Variants in COPG2 observed in about 807,000 individuals in gnomAD.
COPG2 encodes coat protein complex I subunit gamma 2.
In COPG2, 37 loss-of-function variants were observed where a neutral mutation model predicts 46.3. The observed-to-expected ratio is 0.80, with a 90% CI of 0.61 to 1.05. The LOEUF is 1.05. Ranked by LOEUF, COPG2 falls within the 50% of genes least tolerant of loss-of-function variation. The pLI is 0.00. For missense variants in COPG2, 427 were observed against 387.8 expected (o/e 1.10, Z -0.85); for synonymous variants, 159 against 129.7 (o/e 1.23, Z -1.53).
At chr7:130,663,983 C>G (rs1434483822) in intron 3 of COPG2, among the ~76,000 whole-genome samples, 2 of 152,040 alleles carry the variant, frequency 1.3e-5, no homozygotes, top group Non-Finnish European at 2.9e-5. Flanking sequence ...TCGTGATCCA[C>G]CTGCCTCGGC....
rs940676813 is a variant in COPG2, at chr7:130,553,671, A to G, written c.1468+810T>C. ...GACTGGAATGTCACAGCCTATTAGC[A>G]GAGCTCTGAAAATGATCACCAAGAG... On this transcript the variant is annotated intron_variant, in intron 14 of 23. Transcript: ENST00000425248. Among the ~76,000 whole-genome samples the G allele has an allele frequency of 2.7e-3, 404 of 152,350 alleles. 1 individual carries two copies. Among genetic ancestry groups the G allele is most frequent in the African/African-American group, 9.3e-3 (386 of 41,580 alleles).
At chr7:130,528,063 T>C (rs1799790521) in intron 20 of COPG2, among the ~76,000 whole-genome samples, 1 of 150,844 alleles carries the variant, frequency 6.6e-6, no homozygotes, top group Non-Finnish European at 1.5e-5. Context: ...AAGACATCGG[T>C]GCTAAGGAGG....
At chr7:130,563,156 G>A (rs1182382882) in intron 11 of COPG2, 113 bp downstream of exon 11, 7 of 384,530 alleles carry the variant, frequency 1.8e-5, no homozygotes, top group Non-Finnish European at 3.2e-5. Flanking sequence ...TGTTGTAGAG[G>A]TGAAGCCCAT....
chr7:130,628,923 C>A (rs1327427396), intron 5 of COPG2, among the ~76,000 whole-genome samples: 2 of 152,260 alleles, frequency 1.3e-5, no homozygotes, highest in East Asian at 3.9e-4. Flanking sequence ...TAGTGTTCGC[C>A]TGTAGTCCTA....
chr7:130,581,516 G>A (rs1794142915), intron 9 of COPG2, among the ~76,000 whole-genome samples: 1 of 146,406 alleles, frequency 6.8e-6, no homozygotes. Context: ...GCAGGAGAAG[G>A]AAATAAAGGG....
chr7:130,523,369 A>G (rs1031281412), intron 20 of COPG2, among the ~76,000 whole-genome samples: 3 of 152,144 alleles, frequency 2.0e-5, no homozygotes, highest in Non-Finnish European at 2.9e-5. Flanking sequence ...AGGAACATAG[A>G]CAATAGCAAA....
At chr7:130,529,081 A>G (rs1351743002) in intron 20 of COPG2, among the ~76,000 whole-genome samples, 1 of 152,238 alleles carries the variant, frequency 6.6e-6, no homozygotes, top group African/African-American at 2.4e-5. Flanking sequence ...ACTTTGAGAC[A>G]GGAAACAATT....
At chr7:130,590,247 T>C (rs538343303) in intron 9 of COPG2, among the ~76,000 whole-genome samples, 1 of 151,862 alleles carries the variant, frequency 6.6e-6, no homozygotes, top group South Asian at 2.1e-4. Flanking sequence ...ACGGTCTCCC[T>C]CTCCCTCTCC....
intron 5 of COPG2, among the ~76,000 whole-genome samples, chr7:130,618,751 T>G (rs1021231551): frequency 3.9e-5 from 6 of 152,232 alleles, no homozygotes; most frequent in Non-Finnish European, 5.9e-5. Context: ...TGTTTCTATT[T>G]ACATTTTTTG....
chr7:130,554,761 G>A (rs1445523445), intron 13 of COPG2, 37 bp from the exon 14 acceptor site: 1 of 398,522 alleles, frequency 2.5e-6, no homozygotes, highest in Non-Finnish European at 4.4e-6. Flanking sequence ...ATTCATTCTA[G>A]GGACACATTT....
At chr7:130,617,135 T>C in intron 5 of COPG2, 70 bp from the exon 6 acceptor site, 1 of 849,912 alleles carries the variant, frequency 1.2e-6, no homozygotes, top group Middle Eastern at 2.7e-4. Flanking sequence ...CCCTAGCCAA[T>C]TTCCAATTGT....
chr7:130,562,364 AAAAT>A (rs1793733639), intron 11 of COPG2, among the ~76,000 whole-genome samples: 1 of 152,194 alleles, frequency 6.6e-6, no homozygotes, highest in African/African-American at 2.4e-5. Context: ...GTCTCCAAAA[AAAAT>A]AAATAAATAA....
intron 4 of COPG2, among the ~76,000 whole-genome samples, chr7:130,659,632 G>C (rs1795933801): frequency 6.6e-6 from 1 of 152,120 alleles, no homozygotes; most frequent in Non-Finnish European, 1.5e-5. Context: ...AAACACTGCA[G>C]GCTGGGTGTG....
rs782522850 is a variant in COPG2 at position 130,507,646 on chromosome 7, T to C, written c.2386+39A>G. ...CAAATATGCCTGTTAGGTGTTATAC[T>C]GTTATCAGGCAATATACTGATAGCA... On this transcript the variant is annotated intron_variant, in intron 22 of 23. Coordinates refer to ENST00000425248, the MANE Select transcript of COPG2 (RefSeq NM_012133.6). 3 of 770,572 alleles carry C rather than the reference T, an allele frequency of 3.9e-6. No homozygotes were observed. The South Asian group carries it at 4.1e-5, about 11-fold the overall frequency. The allele number at this position is 770,572 out of a possible 1,614,324, so 47.7% of individuals were successfully genotyped here. A position where few individuals can be genotyped will look rare whatever the true frequency, so the allele number is the denominator to read the frequency against.
chr7:130,518,875 A>G (rs1183148442), intron 20 of COPG2, among the ~76,000 whole-genome samples: 2 of 151,812 alleles, frequency 1.3e-5, no homozygotes, highest in Non-Finnish European at 2.9e-5. Context: ...GAGTGGTGGC[A>G]CATGCCTGTA....
At chr7:130,647,362 G>C (rs58262483) in intron 5 of COPG2, among the ~76,000 whole-genome samples, 139 of 152,166 alleles carry the variant, frequency 9.1e-4, no homozygotes, top group African/African-American at 3.2e-3. Context: ...ATAGCAGTAT[G>C]AAAATGGACT....
Position 130,611,082 on chromosome 7 carries a change from A to G in COPG2, c.608T>C (p.Leu203Pro). 6.2e-7 allele frequency: 1 copy of G among 1,613,786 alleles called. No homozygotes were observed. The highest frequency in any genetic ancestry group is 8.5e-7 in the Non-Finnish European group (1 of 1,179,824). The change falls in exon 9 of 24, where the codon CTT (leucine) becomes CCT (proline). Residue 203 changes from leucine to proline, a missense_variant. Physicochemically the swap from Leu to Pro is moderately conservative, Grantham distance 98 (BLOSUM62 -3). Transcript: ENST00000425248. Reference protein sequence around the residue: ...QYHALGVLYHLRKNDRLAVSK... With the variant: ...QYHALGVLYHPRKNDRLAVSK... ...AACAGCAAGTCGATCATTCTTTCTA[A>G]GGTGATACAGGACTCCCAATGCATG... is the stretch of plus-strand genomic sequence containing the variant.
At chr7:130,568,491 TA>T (rs1793842095) in intron 9 of COPG2, among the ~76,000 whole-genome samples, 1 of 152,160 alleles carries the variant, frequency 6.6e-6, no homozygotes. Context: ...ATAAAAGCAC[TA>T]GTCCAACAGG....
intron 10 of COPG2, among the ~76,000 whole-genome samples, chr7:130,563,845 TA>T (rs1280807159): frequency 6.6e-6 from 1 of 150,774 alleles, no homozygotes. Flanking sequence ...TTGCTCTTTT[TA>T]AAAAAAAATT....
Sources: allele counts gnomAD v4.1 joint callset (sites outside exome capture counted in the v4.1 genomes callset), GRCh38; gene constraint gnomAD v4.1.1; transcripts MANE v1.5; gene names NCBI Gene and HGNC (gene_info 2026-07-23, HGNC 2026-07-21).